Variants in GPC5 observed in about 807,000 individuals in gnomAD.
GPC5 encodes the protein glypican-5.
GPC5 carries 47 observed loss-of-function variants against 53.9 expected under a neutral mutation model. The observed-to-expected ratio is 0.87, with a 90% CI of 0.69 to 1.11. The LOEUF (loss-of-function observed/expected upper bound fraction) is 1.11. Ranked by LOEUF, GPC5 falls within the 50% of genes most tolerant of loss-of-function variation. The probability of loss-of-function intolerance (pLI) is 0.00; values close to 1 mark genes in which losing one functional copy is unlikely to be tolerated. For synonymous variants in GPC5, 286 were observed against 263.3 expected (o/e 1.09, Z -0.84); for missense variants, 748 against 713.1 (o/e 1.05, Z -0.56).
rs561735079 is a variant in GPC5 at position 91,909,504 on chromosome 13, A to G, written c.1401+1447A>G. Among the ~76,000 whole-genome samples, 6 of 152,312 alleles carry G rather than the reference A, an allele frequency of 3.9e-5. No individual in the cohort carries two copies. The South Asian group carries it at 1.2e-3, about 32-fold the overall frequency. On this transcript the variant is annotated intron_variant, in intron 6 of 7. Transcript: ENST00000377067. The stretch of plus-strand genomic sequence containing the variant: ...CTTAAGTGTATATTTATTCAGTCTC[A>G]TTCTTTTATATTACTTTGGTTGTAG...
chr13:92,703,221 G>A (rs1157581344), intron 7 of GPC5, among the ~76,000 whole-genome samples: 3 of 151,782 alleles, frequency 2.0e-5, no homozygotes, highest in Admixed American at 2.0e-4. Flanking sequence ...TACCTGACAT[G>A]CAATAGGGAC....
At chr13:92,342,955 A>C (rs2043379786) in intron 7 of GPC5, among the ~76,000 whole-genome samples, 1 of 152,166 alleles carries the variant, frequency 6.6e-6, no homozygotes, top group South Asian at 2.1e-4. Flanking sequence ...ATATTAGGAC[A>C]TTATTCAGTA....
At chr13:91,455,284 CT>C (rs1273425312) in intron 2 of GPC5, among the ~76,000 whole-genome samples, 1 of 151,976 alleles carries the variant, frequency 6.6e-6, no homozygotes, top group Non-Finnish European at 1.5e-5. Flanking sequence ...ACTAAAATTG[CT>C]CTTCTAAGTA....
At chr13:91,966,395 T>C (rs1046991976) in intron 6 of GPC5, among the ~76,000 whole-genome samples, 1 of 152,170 alleles carries the variant, frequency 6.6e-6, no homozygotes, top group Non-Finnish European at 1.5e-5. Context: ...GACTTGGAGG[T>C]ATTTTGTTGT....
At chr13:92,695,384 T>A (rs1211822612) in intron 7 of GPC5, among the ~76,000 whole-genome samples, 1 of 152,244 alleles carries the variant, frequency 6.6e-6, no homozygotes, top group African/African-American at 2.4e-5. Context: ...CATCACTTAT[T>A]AACACCCTTG....
At chr13:91,473,865 G>C (rs1882777412) in intron 2 of GPC5, among the ~76,000 whole-genome samples, 1 of 152,122 alleles carries the variant, frequency 6.6e-6, no homozygotes, top group Non-Finnish European at 1.5e-5. Flanking sequence ...CAATTTTATA[G>C]AGTCTGTATA....
In GPC5 at chr13:92,420,080, C is replaced by T. The variant is rs180993784; in HGVS notation, c.1561+275091C>T. ...ATCTACATCCCTTATTAACATATTT[C>T]CTCCAATCCAGTCAGAGGCTTAGGG... is the stretch of plus-strand genomic sequence containing the variant. On this transcript the variant is annotated intron_variant, in intron 7 of 7. Transcript: ENST00000377067. 4.1e-3 allele frequency among the ~76,000 whole-genome samples: 623 copies of T among 152,272 alleles called. 4 individuals carry two copies. Among genetic ancestry groups the T allele is most frequent in the African/African-American group, 0.014 (595 of 41,544 alleles).
At chr13:91,418,608 G>T (rs1010070811) in intron 1 of GPC5, among the ~76,000 whole-genome samples, 46 of 152,148 alleles carry the variant, frequency 3.0e-4, no homozygotes, top group African/African-American at 1.1e-3. Flanking sequence ...TGGAAGGAAA[G>T]GTGAACGGGT....
chr13:91,624,218 C>CTCT (rs1170169275), intron 2 of GPC5, among the ~76,000 whole-genome samples: 1 of 152,064 alleles, frequency 6.6e-6, no homozygotes, highest in Non-Finnish European at 1.5e-5. Context: ...GCTAGACTGT[C>CTCT]AAAAATCTAC....
At chr13:92,663,676 C>T in intron 7 of GPC5, among the ~76,000 whole-genome samples, 2 of 139,386 alleles carry the variant, frequency 1.4e-5, no homozygotes, top group Middle Eastern at 7.6e-3. Context: ...TATATATATA[C>T]ACTATATATA....
At chr13:92,767,137 G>C (rs923827942) in intron 7 of GPC5, among the ~76,000 whole-genome samples, 1 of 151,718 alleles carries the variant, frequency 6.6e-6, no homozygotes, top group African/African-American at 2.4e-5. Flanking sequence ...CATTGTTTTT[G>C]TTTGTTTGTT....
intron 7 of GPC5, among the ~76,000 whole-genome samples, chr13:92,171,319 G>A (rs1394388811): frequency 6.6e-6 from 1 of 151,992 alleles, no homozygotes; most frequent in Non-Finnish European, 1.5e-5. Context: ...TGCCCTTTTA[G>A]AAAACATGTT....
chr13:91,800,997 C>A (rs766228393), intron 5 of GPC5, among the ~76,000 whole-genome samples: 13 of 151,876 alleles, frequency 8.6e-5, no homozygotes, highest in Non-Finnish European at 1.5e-4. Flanking sequence ...ATTTATTATT[C>A]AAGGCTTAGA....
At chr13:91,625,509 A>C (rs2033975115) in intron 2 of GPC5, among the ~76,000 whole-genome samples, 1 of 152,078 alleles carries the variant, frequency 6.6e-6, no homozygotes, top group Admixed American at 6.6e-5. Context: ...TCGTGCGGAA[A>C]AAGTGTTTGA....
At chr13:92,355,604 TTCTC>T (rs1372506893) in intron 7 of GPC5, among the ~76,000 whole-genome samples, 1 of 152,196 alleles carries the variant, frequency 6.6e-6, no homozygotes, top group Admixed American at 6.5e-5. Context: ...CTTGCTGTAT[TTCTC>T]TCTAAAATAA....
At chr13:92,010,709 G>T (rs565214890) in intron 6 of GPC5, among the ~76,000 whole-genome samples, 3 of 152,116 alleles carry the variant, frequency 2.0e-5, no homozygotes, top group Admixed American at 6.6e-5. Context: ...AGGAAGAAAG[G>T]CCACAGCAAG....
chr13:91,469,559 C>G (rs1882477779), intron 2 of GPC5, among the ~76,000 whole-genome samples: 1 of 152,004 alleles, frequency 6.6e-6, no homozygotes, highest in African/African-American at 2.4e-5. Context: ...AGCCACTATG[C>G]CTGGTCAATC....
intron 2 of GPC5, among the ~76,000 whole-genome samples, chr13:91,513,506 T>C (rs2184727): frequency 0.99 from 150,213 of 152,138 alleles, 74,193 homozygotes; most frequent in South Asian, 1. Flanking sequence ...TCTGGGAGGC[T>C]GAGATGGGTG....
chr13:92,832,929 A>G (rs962390961), intron 7 of GPC5, among the ~76,000 whole-genome samples: 1 of 152,072 alleles, frequency 6.6e-6, no homozygotes, highest in African/African-American at 2.4e-5. Flanking sequence ...AATCACTTGA[A>G]CCCAGGAGGC....
Sources: gnomAD v4.1 joint callset for allele counts (sites outside exome capture counted in the v4.1 genomes callset) on GRCh38, gnomAD v4.1.1 for gene constraint, MANE v1.5 for transcripts, NCBI Gene and HGNC (gene_info 2026-07-23, HGNC 2026-07-21) for gene names.